Variants in FAT3 observed in about 807,000 individuals in gnomAD.
The protein encoded by FAT3 is protocadherin Fat 3.
In FAT3, 95 loss-of-function variants were observed where a neutral mutation model predicts 310.2. That is an observed-to-expected ratio of 0.31 (90% CI 0.26 to 0.36). The LOEUF (loss-of-function observed/expected upper bound fraction) is 0.36. Ranked by LOEUF, FAT3 falls within the 10% of genes least tolerant of loss-of-function variation. The pLI is 1.00. For missense variants in FAT3, 5,408 were observed against 5,715.6 expected, an observed-to-expected ratio of 0.95 and a Z score of 1.74; for synonymous variants, 2,314 against 2,192.9, an observed-to-expected ratio of 1.06 and a Z score of -1.54.
intron 24 of FAT3, among the ~76,000 whole-genome samples, chr11:92,885,499 TC>T (rs1405630257): frequency 6.6e-6 from 1 of 152,200 alleles, no homozygotes; most frequent in Non-Finnish European, 1.5e-5. Context: ...ATGAATTCTT[TC>T]TATTCTAGTG....
chr11:92,615,707 T>C (rs923334144), intron 3 of FAT3, among the ~76,000 whole-genome samples: 7 of 152,224 alleles, frequency 4.6e-5, no homozygotes, highest in African/African-American at 1.4e-4. Flanking sequence ...AAAGAACATC[T>C]TTATTTCTGC....
chr11:92,471,982 G>T (rs955330321), intron 2 of FAT3, among the ~76,000 whole-genome samples: 3 of 141,582 alleles, frequency 2.1e-5, no homozygotes, highest in African/African-American at 7.9e-5. Context: ...CATAATTTAT[G>T]TATGTATATT....
intron 21 of FAT3, among the ~76,000 whole-genome samples, chr11:92,865,942 G>A (rs953590010): frequency 2.6e-5 from 4 of 152,160 alleles, no homozygotes; most frequent in African/African-American, 9.6e-5. Flanking sequence ...AACCATGGCT[G>A]GGAGCATTCA....
chr11:92,446,367 G>A (rs1379832348), intron 2 of FAT3, among the ~76,000 whole-genome samples: 1 of 152,136 alleles, frequency 6.6e-6, no homozygotes, highest in Non-Finnish European at 1.5e-5. Flanking sequence ...TGGCATGAAG[G>A]AAGAAGCCCT....
At chr11:92,836,298 C>G (rs1312239404) in intron 15 of FAT3, among the ~76,000 whole-genome samples, 1 of 152,034 alleles carries the variant, frequency 6.6e-6, no homozygotes, top group Non-Finnish European at 1.5e-5. Context: ...TGTCTCAAAC[C>G]CTGAGGAAAA....
At chr11:92,587,406 C>A (rs1327954794) in intron 3 of FAT3, among the ~76,000 whole-genome samples, 1 of 151,920 alleles carries the variant, frequency 6.6e-6, no homozygotes, top group East Asian at 1.9e-4. Context: ...TCTGCTTTTA[C>A]TTTTTTCCCC....
intron 2 of FAT3, among the ~76,000 whole-genome samples, chr11:92,437,479 A>T (rs1001121986): frequency 4.6e-5 from 7 of 152,230 alleles, no homozygotes; most frequent in Non-Finnish European, 1.0e-4. Context: ...AAATTATCTC[A>T]ATCTAGTTTA....
At chr11:92,516,447 A>G (rs505383) in intron 2 of FAT3, among the ~76,000 whole-genome samples, 82,728 of 151,910 alleles carry the variant, frequency 0.54, 23,007 homozygotes, top group African/African-American at 0.66. Flanking sequence ...ACCCCTTCAT[A>G]CTAAAAACAC....
intron 14 of FAT3, 121 bp downstream of exon 14, chr11:92,832,132 A>G (rs1409045995): frequency 5.4e-6 from 6 of 1,104,524 alleles, no homozygotes; most frequent in Middle Eastern, 4.4e-4. Flanking sequence ...GGAGTTCAGG[A>G]CTAGCCTGGA....
At chr11:92,431,889 T>G (rs1472271090) in intron 2 of FAT3, among the ~76,000 whole-genome samples, 5 of 152,200 alleles carry the variant, frequency 3.3e-5, no homozygotes, top group Non-Finnish European at 5.9e-5. Flanking sequence ...CCATGCTGTT[T>G]TGGTTACTGT....
intron 2 of FAT3, among the ~76,000 whole-genome samples, chr11:92,365,412 T>A (rs535902134): frequency 8.4e-4 from 128 of 152,328 alleles, no homozygotes; most frequent in African/African-American, 3.0e-3. Flanking sequence ...TTTTTATGAT[T>A]TTTTCTTCCA....
chr11:92,887,889 A>G (rs1949833137), intron 25 of FAT3, among the ~76,000 whole-genome samples: 1 of 152,240 alleles, frequency 6.6e-6, no homozygotes, highest in African/African-American at 2.4e-5. Flanking sequence ...GAATAATTTC[A>G]AACAGTCATC....
chr11:92,282,013 C>A (rs1946436994), intron 1 of FAT3, among the ~76,000 whole-genome samples: 1 of 152,024 alleles, frequency 6.6e-6, no homozygotes, highest in Non-Finnish European at 1.5e-5. Context: ...TCCAGCGATT[C>A]TCCTGCCTCA....
chr11:92,414,529 C>G (rs72970599), intron 2 of FAT3, among the ~76,000 whole-genome samples: 3,832 of 152,232 alleles, frequency 0.025, 59 homozygotes, highest in Non-Finnish European at 0.03. Context: ...TCTGTCATTT[C>G]TTATTTTACT....
chr11:92,874,765 C>T (rs976538340), intron 22 of FAT3, among the ~76,000 whole-genome samples: 4 of 152,128 alleles, frequency 2.6e-5, no homozygotes, highest in Non-Finnish European at 5.9e-5. Flanking sequence ...TCTCAAACCC[C>T]CGAACTCAGG....
intron 3 of FAT3, among the ~76,000 whole-genome samples, chr11:92,679,683 A>G (rs1565507736): frequency 6.6e-6 from 1 of 151,842 alleles, no homozygotes; most frequent in Non-Finnish European, 1.5e-5. Flanking sequence ...TCTACTAAAA[A>G]TACAAAAAAT....
At chr11:92,259,022 G>A (rs879843144) in intron 1 of FAT3, among the ~76,000 whole-genome samples, 9 of 151,854 alleles carry the variant, frequency 5.9e-5, no homozygotes, top group Non-Finnish European at 4.4e-5. Context: ...TGTGGGGGGC[G>A]GGGGTGGAAG....
At chr11:92,732,440 A>G (rs1156332037) in intron 4 of FAT3, among the ~76,000 whole-genome samples, 1 of 152,188 alleles carries the variant, frequency 6.6e-6, no homozygotes, top group Non-Finnish European at 1.5e-5. Flanking sequence ...CTCTGTGGCT[A>G]AGGACACAAA....
At chr11:92,719,267 T>A (rs1792369) in intron 4 of FAT3, among the ~76,000 whole-genome samples, 47,469 of 152,024 alleles carry the variant, frequency 0.31, 7,691 homozygotes, top group Non-Finnish European at 0.33. Context: ...AGCCAACTTA[T>A]AGAAGGAAAC....
Sources: gnomAD v4.1 joint callset for allele counts (sites outside exome capture counted in the v4.1 genomes callset) on GRCh38, gnomAD v4.1.1 for gene constraint, MANE v1.5 for transcripts, NCBI Gene and HGNC (gene_info 2026-07-23, HGNC 2026-07-21) for gene names.